ZMYM2: variants seen among roughly 807,000 people sequenced by gnomAD.
ZMYM2 encodes the protein zinc finger MYM-type protein 2.
In ZMYM2, 56 loss-of-function variants were observed where a neutral mutation model predicts 162.8. That is an observed-to-expected ratio of 0.34 (90% confidence interval 0.28 to 0.43). ZMYM2 has a LOEUF of 0.43. ZMYM2 is among the 20% of genes least tolerant of loss of function. The probability of loss-of-function intolerance (pLI) is 1.00; values close to 1 mark genes in which losing one functional copy is unlikely to be tolerated. For synonymous variants in ZMYM2, 510 were observed against 541.6 expected (o/e 0.94, Z 0.81); for missense variants, 1,275 against 1,621.8 (o/e 0.79, Z 3.67).
chr13:19,891,376 G>T, the ZMYM2 span, among the ~76,000 whole-genome samples: 8 of 151,784 alleles, frequency 5.3e-5, no homozygotes, highest in African/African-American at 1.5e-4. Context: ...CCAGAGCTAT[G>T]AGAAAACGAA....
At chr13:19,963,086 G>A (rs1594033190) in intron 2 of ZMYM2, among the ~76,000 whole-genome samples, 3 of 152,150 alleles carry the variant, frequency 2.0e-5, no homozygotes, top group South Asian at 4.2e-4. Context: ...TGATCTGCCC[G>A]CCTCAACCTT....
At chr13:19,942,880 G>C in the ZMYM2 span, among the ~76,000 whole-genome samples, 1 of 152,112 alleles carries the variant, frequency 6.6e-6, no homozygotes, top group Non-Finnish European at 1.5e-5. Context: ...TAAGTTTTGT[G>C]TAATGCCATC....
chr13:20,015,128 G>C (rs1566300457), intron 6 of ZMYM2, among the ~76,000 whole-genome samples: 1 of 152,056 alleles, frequency 6.6e-6, no homozygotes, highest in Admixed American at 6.5e-5. Flanking sequence ...TAGTATTTAA[G>C]TTGCATCTCA....
the ZMYM2 span, among the ~76,000 whole-genome samples, chr13:19,916,884 C>T: frequency 6.6e-6 from 1 of 152,166 alleles, no homozygotes; most frequent in Non-Finnish European, 1.5e-5. Flanking sequence ...AAAAATAACA[C>T]TTTTAAAATT....
intron 2 of ZMYM2, chr13:19,970,217 A>G (rs1956179361): frequency 3.5e-6 from 1 of 288,754 alleles, no homozygotes; most frequent in Non-Finnish European, 5.2e-6. Flanking sequence ...ATTTGTTTCC[A>G]AATTAACGTG....
At chr13:20,058,880 A>G in intron 15 of ZMYM2, 176 bp downstream of exon 15, 1 of 841,580 alleles carries the variant, frequency 1.2e-6, no homozygotes, top group Admixed American at 1.8e-5. Context: ...ATCTCATTTT[A>G]AATCATTATG....
At chr13:19,876,339 T>C in the ZMYM2 span, among the ~76,000 whole-genome samples, 1 of 150,480 alleles carries the variant, frequency 6.6e-6, no homozygotes, top group African/African-American at 2.5e-5. Context: ...TTTTACTTTT[T>C]TGAGATGGAG....
At chr13:19,966,114 G>GTTTTTTT (rs1166436755) in intron 2 of ZMYM2, among the ~76,000 whole-genome samples, 1 of 135,020 alleles carries the variant, frequency 7.4e-6, no homozygotes, top group African/African-American at 2.8e-5. Context: ...ATATTTGCTT[G>GTTTTTTT]TTTTTTTTTT....
At chr13:20,043,896 C>T (rs556467127) in intron 12 of ZMYM2, among the ~76,000 whole-genome samples, 3 of 152,146 alleles carry the variant, frequency 2.0e-5, no homozygotes, top group African/African-American at 7.2e-5. Flanking sequence ...GTGGGGGCCA[C>T]CCCACTGGGG....
At chr13:20,075,241 G>C (rs953244607) in intron 21 of ZMYM2, among the ~76,000 whole-genome samples, 1 of 152,182 alleles carries the variant, frequency 6.6e-6, no homozygotes, top group Non-Finnish European at 1.5e-5. Flanking sequence ...ACAGTTGACA[G>C]GAAGTATGAT....
intron 11 of ZMYM2, 70 bp downstream of exon 11, chr13:20,034,474 C>G: frequency 7.5e-7 from 1 of 1,327,626 alleles, no homozygotes; most frequent in Non-Finnish European, 9.7e-7. Context: ...AATAATATAT[C>G]CAGAGTGGCT....
intron 2 of ZMYM2, among the ~76,000 whole-genome samples, chr13:19,980,057 TATAAAA>T (rs981464755): frequency 5.9e-5 from 9 of 152,122 alleles, no homozygotes; most frequent in African/African-American, 2.2e-4. Flanking sequence ...ACTTTAAAAT[TATAAAA>T]ATAAATGTTC....
upstream of ZMYM2, among the ~76,000 whole-genome samples, chr13:19,958,094 TC>T (rs1383360384): frequency 6.6e-6 from 1 of 152,144 alleles, no homozygotes; most frequent in Non-Finnish European, 1.5e-5. Flanking sequence ...GGGGGACTAT[TC>T]CCCACGGGGC....
At chr13:19,954,126 A>ATTGTTTTTTTTTTTTTTTTTTTTTTTTTT (rs1954471681), upstream of ZMYM2, among the ~76,000 whole-genome samples, 1 of 64,880 alleles carries the variant, frequency 1.5e-5, no homozygotes, top group Non-Finnish European at 3.0e-5. Context: ...GCTATGTTTA[A>ATTGTTTTTTTTTTTTTTTTTTTTTTTTTT]TTTTTTTTTT....
At chr13:19,946,295 T>C in the ZMYM2 span, among the ~76,000 whole-genome samples, 1 of 152,210 alleles carries the variant, frequency 6.6e-6, no homozygotes, top group Non-Finnish European at 1.5e-5. Context: ...CCTGTCTCCT[T>C]AGTGTGGCCT....
chr13:19,881,720 C>T, the ZMYM2 span, among the ~76,000 whole-genome samples: 1 of 152,126 alleles, frequency 6.6e-6, no homozygotes, highest in Admixed American at 6.6e-5. Context: ...CGCTGTGGCT[C>T]ATGCCTGTAA....
chr13:19,923,191 CAAA>C, the ZMYM2 span, among the ~76,000 whole-genome samples: 1 of 125,516 alleles, frequency 8.0e-6, no homozygotes, highest in Non-Finnish European at 1.6e-5. Context: ...ACTAAATATA[CAAA>C]AAAAAAAAAA....
the ZMYM2 span, among the ~76,000 whole-genome samples, chr13:19,865,991 GTTAC>G: frequency 1.9e-5 from 1 of 51,290 alleles, no homozygotes; most frequent in African/African-American, 3.8e-5. Context: ...TAACAGATAA[GTTAC>G]TTAAACTCAG....
chr13:19,884,602 C>CG, the ZMYM2 span, among the ~76,000 whole-genome samples: 1 of 151,966 alleles, frequency 6.6e-6, no homozygotes, highest in African/African-American at 2.4e-5. Context: ...GTGGTCCTCA[C>CG]GGTGAGTATT....
Sources: allele counts gnomAD v4.1 joint callset (sites outside exome capture counted in the v4.1 genomes callset), GRCh38; gene constraint gnomAD v4.1.1; transcripts MANE v1.5; gene names NCBI Gene and HGNC (gene_info 2026-07-23, HGNC 2026-07-21).